Variants in CNTN5 observed in about 807,000 individuals in gnomAD.
CNTN5 encodes the protein contactin 5.
Under a neutral mutation model 129.1 loss-of-function variants are expected in CNTN5, and 77 were observed. The ratio of observed to expected loss-of-function variants is 0.60; its 90% CI spans 0.50 to 0.72. CNTN5 has a LOEUF of 0.72. CNTN5 is among the 30% of genes least tolerant of loss of function. The probability of loss-of-function intolerance (pLI) is 0.00; values close to 1 mark genes in which losing one functional copy is unlikely to be tolerated. For synonymous variants in CNTN5, 509 were observed against 465.6 expected (o/e 1.09, Z -1.20); for missense variants, 1,478 against 1,328.8 (o/e 1.11, Z -1.75).
chr11:100,119,801 A>G (rs917194009), intron 13 of CNTN5, among the ~76,000 whole-genome samples: 2 of 151,720 alleles, frequency 1.3e-5, no homozygotes, highest in Non-Finnish European at 2.9e-5. Context: ...AGATGATATC[A>G]CTCCTCGCCC....
At chr11:99,468,949 A>T (rs1945059489) in intron 2 of CNTN5, among the ~76,000 whole-genome samples, 1 of 152,144 alleles carries the variant, frequency 6.6e-6, no homozygotes, top group African/African-American at 2.4e-5. Context: ...ACGGAAAAAG[A>T]AATATGTGAA....
At chr11:99,714,782 TG>T (rs1471410393) in intron 3 of CNTN5, among the ~76,000 whole-genome samples, 1 of 151,738 alleles carries the variant, frequency 6.6e-6, no homozygotes, top group Non-Finnish European at 1.5e-5. Context: ...ATCATTTGTT[TG>T]ATGGAAATAT....
At chr11:99,153,004 A>C (rs1212131690) in intron 1 of CNTN5, among the ~76,000 whole-genome samples, 4 of 152,142 alleles carry the variant, frequency 2.6e-5, no homozygotes, top group African/African-American at 9.7e-5. Flanking sequence ...TTTCTGCTGA[A>C]AGTTCTGCTG....
At chr11:99,535,812 C>A (rs1458033182) in intron 2 of CNTN5, among the ~76,000 whole-genome samples, 2 of 152,070 alleles carry the variant, frequency 1.3e-5, no homozygotes, top group South Asian at 2.1e-4. Context: ...GTAAAAAAAT[C>A]TTCCAGATGC....
intron 3 of CNTN5, among the ~76,000 whole-genome samples, chr11:99,775,694 A>G (rs76549124): frequency 6.6e-6 from 1 of 151,998 alleles, no homozygotes; most frequent in Non-Finnish European, 1.5e-5. Flanking sequence ...CTCTCTATGT[A>G]TATTTACCTC....
At chr11:99,615,923 A>G (rs1221403869) in intron 3 of CNTN5, among the ~76,000 whole-genome samples, 3 of 151,932 alleles carry the variant, frequency 2.0e-5, no homozygotes, top group African/African-American at 4.8e-5. Context: ...TTTTGCCGAG[A>G]CAGGGTTTTG....
At chr11:99,031,464 T>C (rs1863368520) in intron 1 of CNTN5, among the ~76,000 whole-genome samples, 1 of 152,218 alleles carries the variant, frequency 6.6e-6, no homozygotes, top group Admixed American at 6.5e-5. Flanking sequence ...TAAGAATATT[T>C]TCTTTCAAAA....
At chr11:99,766,983 C>T (rs1397366588) in intron 3 of CNTN5, among the ~76,000 whole-genome samples, 2 of 152,038 alleles carry the variant, frequency 1.3e-5, no homozygotes, top group Admixed American at 1.3e-4. Flanking sequence ...TATGGCCTGA[C>T]ATCCTTTCTG....
chr11:99,732,631 G>A (rs558902487), intron 3 of CNTN5, among the ~76,000 whole-genome samples: 1 of 152,188 alleles, frequency 6.6e-6, no homozygotes, highest in East Asian at 1.9e-4. Context: ...GGACTTGGCA[G>A]CACCATTTGC....
intron 2 of CNTN5, among the ~76,000 whole-genome samples, chr11:99,340,370 A>G (rs1407145273): frequency 6.6e-6 from 1 of 152,212 alleles, no homozygotes; most frequent in African/African-American, 2.4e-5. Context: ...AATACTCCAA[A>G]AGAAGACAGG....
At chr11:99,634,958 A>G (rs1951497935) in intron 3 of CNTN5, among the ~76,000 whole-genome samples, 1 of 152,208 alleles carries the variant, frequency 6.6e-6, no homozygotes, top group African/African-American at 2.4e-5. Context: ...GCTCATTGCA[A>G]TGAAAATAGG....
chr11:99,137,577 ATT>A (rs961356006), intron 1 of CNTN5, among the ~76,000 whole-genome samples: 2 of 152,110 alleles, frequency 1.3e-5, no homozygotes, highest in African/African-American at 4.8e-5. Context: ...ATTAAAGTGA[ATT>A]TTTTTGCCTG....
rs189738736 is a variant in CNTN5 at position 100,073,761 on chromosome 11, C to T, written c.1430-383C>T. On this transcript the variant is annotated intron_variant, in intron 12 of 24. Coordinates refer to ENST00000524871, the MANE Select transcript of CNTN5 (RefSeq NM_014361.4). Reference sequence around the variant, plus strand: ...ATTCGTAGATGGGAAATGGAAGACACAGGATTGTCTTTTTCGCAGGTCACC... The same window carrying T: ...ATTCGTAGATGGGAAATGGAAGACATAGGATTGTCTTTTTCGCAGGTCACC... Among the ~76,000 whole-genome samples the T allele has an allele frequency of 2.1e-4, 32 of 152,080 alleles. No homozygotes were observed. The East Asian group carries it at 5.6e-3, about 27-fold the overall frequency.
At chr11:99,620,273 A>G (rs1950899758) in intron 3 of CNTN5, among the ~76,000 whole-genome samples, 1 of 150,980 alleles carries the variant, frequency 6.6e-6, no homozygotes, top group African/African-American at 2.5e-5. Flanking sequence ...TTTATCCATA[A>G]TGAGTTCCAG....
intron 2 of CNTN5, among the ~76,000 whole-genome samples, chr11:99,546,296 A>G (rs1948288572): frequency 6.6e-6 from 1 of 152,138 alleles, no homozygotes; most frequent in Admixed American, 6.5e-5. Flanking sequence ...TTCCACAAAG[A>G]CCATTAGCAG....
intron 7 of CNTN5, among the ~76,000 whole-genome samples, chr11:99,954,576 T>C (rs1950753096): frequency 6.6e-6 from 1 of 152,216 alleles, no homozygotes; most frequent in Admixed American, 6.5e-5. Context: ...TGAAATATTT[T>C]ATAGTTCTCA....
At chr11:99,146,752 C>T (rs181713046) in intron 1 of CNTN5, among the ~76,000 whole-genome samples, 85 of 152,194 alleles carry the variant, frequency 5.6e-4, no homozygotes, top group Non-Finnish European at 1.0e-3. Flanking sequence ...GCTGGGGTCT[C>T]ATTCTGTCAC....
chr11:99,133,925 A>G (rs919518696), intron 1 of CNTN5, among the ~76,000 whole-genome samples: 5 of 152,214 alleles, frequency 3.3e-5, no homozygotes, highest in South Asian at 2.1e-4. Flanking sequence ...GCAAAGGAAT[A>G]TAAATCATTC....
At chr11:99,306,440 T>A (rs999387294) in intron 1 of CNTN5, among the ~76,000 whole-genome samples, 1 of 152,136 alleles carries the variant, frequency 6.6e-6, no homozygotes, top group Non-Finnish European at 1.5e-5. Flanking sequence ...ATATGAGATA[T>A]GTAAATGAGG....
Sources: gnomAD v4.1 joint callset for allele counts (sites outside exome capture counted in the v4.1 genomes callset) on GRCh38, gnomAD v4.1.1 for gene constraint, MANE v1.5 for transcripts, NCBI Gene and HGNC (gene_info 2026-07-23, HGNC 2026-07-21) for gene names.